Variants in DSCAML1 observed in about 807,000 individuals in gnomAD.
The protein encoded by DSCAML1 is DS cell adhesion molecule like 1, also known as cell adhesion molecule DSCAML1.
A neutral mutation model predicts 200.5 loss-of-function variants in DSCAML1; 38 were observed. The ratio of observed to expected loss-of-function variants is 0.19; its 90% CI spans 0.15 to 0.25. The LOEUF (loss-of-function observed/expected upper bound fraction) is 0.25, where lower values mean the gene tolerates loss of function less well. Ranked by LOEUF, DSCAML1 falls within the 10% of genes least tolerant of loss-of-function variation. The pLI, the probability that DSCAML1 is intolerant of heterozygous loss-of-function variation, is 1.00. For missense variants in DSCAML1, 2,223 were observed against 2,858.8 expected (o/e 0.78, Z 5.07); for synonymous variants, 1,215 against 1,165.0 (o/e 1.04, Z -0.87).
chr11:117,767,922 C>T (rs892429693), intron 3 of DSCAML1, among the ~76,000 whole-genome samples: 1 of 152,132 alleles, frequency 6.6e-6, no homozygotes, highest in East Asian at 1.9e-4. Context: ...TGCCGCGGGA[C>T]CCTACATACA....
At chr11:117,710,214 A>C (rs993300560) in intron 3 of DSCAML1, among the ~76,000 whole-genome samples, 8 of 152,254 alleles carry the variant, frequency 5.3e-5, no homozygotes, top group Admixed American at 4.6e-4. Context: ...CCTGCTAATC[A>C]TAAAAATCTA....
intron 3 of DSCAML1, among the ~76,000 whole-genome samples, chr11:117,730,532 C>G (rs2054201208): frequency 6.6e-6 from 1 of 152,178 alleles, no homozygotes; most frequent in Non-Finnish European, 1.5e-5. Flanking sequence ...ACCAACACAG[C>G]AGCAATCAGA....
chr11:117,771,705 C>T lies in DSCAML1; in HGVS notation c.511+5086G>A, dbSNP rs150918010. Among the ~76,000 whole-genome samples, 134 of 152,246 alleles carry T rather than the reference C, an allele frequency of 8.8e-4. 1 individual carries two copies. The highest frequency in any genetic ancestry group is 2.0e-3 in the African/African-American group (81 of 41,528). ...TTATTAGCTGTGTGGCCTTGGGTAA[C>T]GTGCTTAACTGCTCTGGGCCTCAAC... On this transcript the variant is annotated intron_variant, in intron 3 of 32. Transcript: ENST00000651296.
At chr11:117,436,248 T>C (rs1367997520) in intron 26 of DSCAML1, among the ~76,000 whole-genome samples, 2 of 152,026 alleles carry the variant, frequency 1.3e-5, no homozygotes, top group Non-Finnish European at 2.9e-5. Context: ...CTACATTCTC[T>C]CCCTGCTCAC....
chr11:117,438,567 G>A (rs10892103), intron 24 of DSCAML1, among the ~76,000 whole-genome samples: 56,491 of 151,916 alleles, frequency 0.37, 12,035 homozygotes, highest in East Asian at 0.82. Flanking sequence ...GCAGACGCAC[G>A]CCCACACTTG....
intron 3 of DSCAML1, among the ~76,000 whole-genome samples, chr11:117,543,787 A>G (rs1047255027): frequency 7.1e-6 from 1 of 141,060 alleles, no homozygotes; most frequent in Non-Finnish European, 1.5e-5. Flanking sequence ...TATGCACTGC[A>G]TGCTTATAGG....
intron 11 of DSCAML1, among the ~76,000 whole-genome samples, chr11:117,482,616 G>A (rs78846054): frequency 0.024 from 3,602 of 152,140 alleles, 129 homozygotes; most frequent in African/African-American, 0.082. Context: ...ATAGTGCTGC[G>A]TATAAGTGAT....
rs139597228 is a variant in DSCAML1 at position 117,473,875 on chromosome 11, C to T, written c.2786-1839G>A. Among the ~76,000 whole-genome samples the T allele has an allele frequency of 1.0e-3, 155 of 152,248 alleles. 2 individuals are homozygous for T. Among genetic ancestry groups the T allele is most frequent in the African/African-American group, 3.5e-3 (146 of 41,552 alleles). ...GGCTCCTACCTGCTGTGGGCACTTG[C>T]TTGTGGGTTTGGGACAGAACAGGCT... On this transcript the variant is annotated intron_variant, in intron 14 of 32. Coordinates refer to ENST00000651296, the MANE Select transcript of DSCAML1 (RefSeq NM_020693.4).
rs1356719606 is a variant in DSCAML1 at position 117,639,879 on chromosome 11, C to T, written c.512-107357G>A. On this transcript the variant is annotated intron_variant, in intron 3 of 32. Coordinates refer to ENST00000651296, the MANE Select transcript of DSCAML1 (RefSeq NM_020693.4). The stretch of plus-strand genomic sequence containing the variant: ...GCTCACCGCCCATCTGTTCTTCCTC[C>T]CCATGACGCCAATGCCTGGCCTTTA... 2.0e-5 allele frequency among the ~76,000 whole-genome samples: 3 copies of T among 152,186 alleles called. 1 individual carries two copies. Among genetic ancestry groups the T allele is most frequent in the Admixed American group, 1.3e-4 (2 of 15,280 alleles).
Position 117,430,996 on chromosome 11 carries a change from G to C in DSCAML1, c.5412C>G (p.Ala1804=). The change falls in exon 32 of 33, where the codon GCC becomes GCG. Residue 1804 remains alanine, a synonymous_variant. Transcript: ENST00000651296. ...GRNSMVSTES[A]SSTYEELARA... ...GGGCCAGCTCCTCGTAGGTGGAAGA[G>C]GCACTCTCAGTGGACACCATGCTGT... 6.2e-7 allele frequency: 1 copy of C among 1,614,060 alleles called. No individual in the cohort carries two copies. The highest frequency in any genetic ancestry group is 1.3e-5 in the African/African-American group (1 of 75,040).
At chr11:117,475,495 C>A (rs1211105179) in intron 14 of DSCAML1, among the ~76,000 whole-genome samples, 2 of 152,212 alleles carry the variant, frequency 1.3e-5, no homozygotes, top group African/African-American at 4.8e-5. Context: ...CCTCAGTCCA[C>A]AGTATCTTCT....
chr11:117,665,351 G>A (rs1218254648), intron 3 of DSCAML1, among the ~76,000 whole-genome samples: 1 of 152,152 alleles, frequency 6.6e-6, no homozygotes, highest in East Asian at 1.9e-4. Flanking sequence ...GTAAAATGAG[G>A]CTACCTCAAT....
intron 3 of DSCAML1, among the ~76,000 whole-genome samples, chr11:117,585,023 T>C (rs1287539240): frequency 1.3e-5 from 2 of 152,238 alleles, no homozygotes; most frequent in East Asian, 1.9e-4. Context: ...TAGTAGTGAA[T>C]GGCCTGAGTC....
intron 3 of DSCAML1, among the ~76,000 whole-genome samples, chr11:117,651,337 CT>C (rs1251637338): frequency 6.6e-6 from 1 of 152,244 alleles, no homozygotes; most frequent in Non-Finnish European, 1.5e-5. Context: ...CTCCAACAGG[CT>C]GTGCTCCACA....
intron 3 of DSCAML1, among the ~76,000 whole-genome samples, chr11:117,570,729 G>A (rs1418639597): frequency 6.6e-6 from 1 of 152,252 alleles, no homozygotes; most frequent in African/African-American, 2.4e-5. Context: ...CTAGTGGCCA[G>A]TGGCAGATGG....
rs533810288 is a variant in DSCAML1, at chr11:117,558,797, T to A, written c.512-26275A>T. ...AGGGTCATAATAGATCAAGTAAGCG[T>A]GAGGAAGGTGACTGGGGGCTACATA... On this transcript the variant is annotated intron_variant, in intron 3 of 32. Transcript: ENST00000651296. Among the ~76,000 whole-genome samples, 43 of 152,240 alleles carry A rather than the reference T, an allele frequency of 2.8e-4. No individual in the cohort carries two copies. The South Asian group carries it at 5.4e-3, about 19-fold the overall frequency.
chr11:117,703,752 G>T (rs1020995123), intron 3 of DSCAML1, among the ~76,000 whole-genome samples: 2 of 152,204 alleles, frequency 1.3e-5, no homozygotes, highest in Non-Finnish European at 2.9e-5. Context: ...CAAGGGCAGG[G>T]ACTTTGACCA....
In DSCAML1 at chr11:117,521,314, C is replaced by A. The variant is rs891864436; in HGVS notation, c.1029G>T (p.Glu343Asp). The A allele has an allele frequency of 1.2e-6, 2 of 1,614,190 alleles. No individual in the cohort carries two copies. The highest frequency in any genetic ancestry group is 8.5e-7 in the Non-Finnish European group (1 of 1,180,030). ...ILSCALTGSP[E>D]FTIRWYRNTE... ...TGTTGCGATACCAGCGGATGGTGAACTCTGGGGAGCCCGTCAGGGCACAGG... is the reference window on the plus strand; with the variant it reads ...TGTTGCGATACCAGCGGATGGTGAAATCTGGGGAGCCCGTCAGGGCACAGG... Residue 343 changes from glutamate to aspartate, a missense_variant, in exon 6 of 33, where the codon GAG becomes GAT. Glu to Asp is a conservative substitution (Grantham distance 45, BLOSUM62 2). Around this residue, in one of 7 missense-constraint regions of DSCAML1, gnomAD observed 579 missense variants for 721.5 expected, o/e 0.80. Transcript: ENST00000651296.
At chr11:117,717,193 A>G (rs1350748703) in intron 3 of DSCAML1, among the ~76,000 whole-genome samples, 2 of 152,180 alleles carry the variant, frequency 1.3e-5, no homozygotes, top group African/African-American at 4.8e-5. Context: ...GCCTCCGGTC[A>G]CTTGGTAGGG....
Sources: allele counts gnomAD v4.1 joint callset (sites outside exome capture counted in the v4.1 genomes callset), GRCh38; gene constraint gnomAD v4.1.1; regional missense constraint gnomAD v4.1.1; transcripts MANE v1.5; gene names NCBI Gene and HGNC (gene_info 2026-07-23, HGNC 2026-07-21).